Variants in ABCB8 observed in about 807,000 individuals in gnomAD.
ABCB8 encodes mitochondrial potassium channel ATP-binding subunit.
In ABCB8, 52 loss-of-function variants were observed where a neutral mutation model predicts 73.0. That is an observed-to-expected ratio of 0.71 (90% CI 0.57 to 0.90). ABCB8 has a LOEUF of 0.90. Ranked by LOEUF, ABCB8 falls within the 40% of genes least tolerant of loss-of-function variation. The probability of loss-of-function intolerance (pLI) is 0.00; values close to 1 mark genes in which losing one functional copy is unlikely to be tolerated. For missense variants in ABCB8, 909 were observed against 974.6 expected, an observed-to-expected ratio of 0.93 and a Z score of 0.90; for synonymous variants, 428 against 423.5, an observed-to-expected ratio of 1.01 and a Z score of -0.13.
intron 1 of ABCB8, chr7:151,032,859 G>C: frequency 2.7e-6 from 1 of 364,246 alleles, no homozygotes; most frequent in Non-Finnish European, 5.6e-6. Flanking sequence ...GAGAGGGAGT[G>C]TGTGTCATGG....
intron 1 of ABCB8, 176 bp downstream of exon 1, chr7:151,028,786 T>A (rs751803022): frequency 3.9e-6 from 6 of 1,540,482 alleles, no homozygotes; most frequent in African/African-American, 1.4e-5. Context: ...ATAGTGACAC[T>A]CCAGTCGCCA....
At chr7:151,034,191 G>C in intron 2 of ABCB8, 82 bp from the exon 3 acceptor site, 1 of 1,475,234 alleles carries the variant, frequency 6.8e-7, no homozygotes, top group Non-Finnish European at 9.2e-7. Context: ...TAGTGGGAGA[G>C]GAAGGGCCAA....
chr7:151,032,829 T>C (rs936344971), intron 1 of ABCB8: 1 of 334,264 alleles, frequency 3.0e-6, no homozygotes, highest in South Asian at 2.3e-5. Context: ...TATTTTTCTC[T>C]GTTTCCTCCT....
chr7:151,043,669 T>C (rs1390128240), intron 14 of ABCB8, among the ~76,000 whole-genome samples: 1 of 102,094 alleles, frequency 9.8e-6, no homozygotes, highest in Non-Finnish European at 1.9e-5. Context: ...CAGTGCGGGG[T>C]AGAGGGTCAG....
chr7:151,041,307 T>C lies in ABCB8; in HGVS notation c.1617+75T>C, dbSNP rs1370042061. ...GGGCCCTGCCCCCTTAGTCCTCAGG[T>C]GCCTTTTCTTTCTTTCCCACCCTCA... On this transcript the variant is annotated intron_variant, in intron 13 of 15. Coordinates refer to ENST00000358849, the MANE Select transcript of ABCB8 (RefSeq NM_007188.5). 7.4e-6 allele frequency: 11 copies of C among 1,483,604 alleles called. No individual in the cohort carries two copies. In the African/African-American group the frequency reaches 1.4e-4, roughly 19 times the overall value. The allele number at this position is 1,483,604 out of a possible 1,614,324, so 91.9% of individuals were successfully genotyped here.
In ABCB8 at chr7:151,044,154, C is replaced by T; in HGVS notation, c.1949C>T (p.Ala650Val). The T allele has an allele frequency of 6.2e-7, 1 of 1,613,926 alleles. No homozygotes were observed. Among genetic ancestry groups the T allele is most frequent in the Non-Finnish European group, 8.5e-7 (1 of 1,179,904 alleles). The change falls in exon 15 of 16, where the codon GCC (alanine) becomes GTC (valine). Residue 650 changes from alanine (A) to valine (V), a missense_variant. Transcript: ENST00000358849. ...ASAGRTVLVI[A>V]HRLSTVRGAH... ...GCAGGCCGCACGGTGCTGGTAATTG[C>T]CCACCGGCTCAGCACTGTCCGTGGG...
intron 1 of ABCB8, 122 bp downstream of exon 1, chr7:151,028,732 AC>A: frequency 6.5e-7 from 1 of 1,539,666 alleles, no homozygotes; most frequent in Non-Finnish European, 8.7e-7. Context: ...GGCCAGGCCT[AC>A]CGGGGTGGAA....
intron 9 of ABCB8, chr7:151,037,693 A>G (rs1198822060): frequency 9.5e-6 from 3 of 317,112 alleles, no homozygotes; most frequent in South Asian, 2.6e-5. Flanking sequence ...ACCCCATTCT[A>G]CTGAGGCATG....
intron 15 of ABCB8, among the ~76,000 whole-genome samples, chr7:151,044,583 A>G (rs1563307516): frequency 6.9e-6 from 1 of 145,760 alleles, no homozygotes; most frequent in Non-Finnish European, 1.5e-5. Flanking sequence ...ACAAAATACC[A>G]AAAAAAAAAA....
chr7:151,040,347 C>G (rs371146495), intron 10 of ABCB8, 46 bp downstream of exon 10: 1 of 1,606,618 alleles, frequency 6.2e-7, no homozygotes, highest in Non-Finnish European at 8.5e-7. Context: ...GAGTTTGTGC[C>G]GTGTGTGCCG....
chr7:151,035,527 C>T (rs1403121751), intron 5 of ABCB8, 54 bp from the exon 6 acceptor site: 9 of 1,529,802 alleles, frequency 5.9e-6, no homozygotes, highest in South Asian at 1.2e-5. Flanking sequence ...TGGAAAAGTC[C>T]TTCCTGTCAT....
At chr7:151,033,366 G>T in intron 1 of ABCB8, 15 of 1,355,182 alleles carry the variant, frequency 1.1e-5, no homozygotes, top group Non-Finnish European at 1.3e-5. Flanking sequence ...AGTTGCCCAG[G>T]GGAATAAGAC....
chr7:151,032,675 C>T (rs141787570), intron 1 of ABCB8, among the ~76,000 whole-genome samples: 194 of 147,650 alleles, frequency 1.3e-3, no homozygotes, highest in African/African-American at 4.3e-3. Flanking sequence ...GCCGGGGTGA[C>T]GGAGCGAGAC....
intron 8 of ABCB8, 31 bp from the exon 9 acceptor site, chr7:151,036,513 T>C (rs1390245179): frequency 1.9e-6 from 3 of 1,586,936 alleles, no homozygotes; most frequent in South Asian, 2.2e-5. Context: ...CTGCCCTGGC[T>C]TCGTCCTCCC....
intron 9 of ABCB8, 36 bp from the exon 10 acceptor site, chr7:151,040,232 C>G: frequency 6.2e-6 from 10 of 1,609,238 alleles, no homozygotes; most frequent in Non-Finnish European, 8.5e-6. Flanking sequence ...TCTTCTTGTT[C>G]CCATCTATTC....
chr7:151,033,418 G>A lies in ABCB8; in HGVS notation c.96-187G>A, dbSNP rs907670932. On this transcript the variant is annotated intron_variant, in intron 1 of 15. Transcript: ENST00000358849. ...TGTGCTCAGTGCCTCATTCCTCTGCGACTTTGCCCATGGACATGTCTTAGA... is the reference window on the plus strand; with the variant it reads ...TGTGCTCAGTGCCTCATTCCTCTGCAACTTTGCCCATGGACATGTCTTAGA... The A allele has an allele frequency of 3.3e-5, 46 of 1,395,710 alleles. No homozygotes were observed. In the Middle Eastern group the frequency reaches 1.0e-3, roughly 32 times the overall value. 86.5% of individuals were successfully genotyped at this position (1,395,710 alleles called of 1,614,324 possible). A position where few individuals can be genotyped will look rare whatever the true frequency, so the allele number is the denominator to read the frequency against.
chr7:151,035,966 G>C lies in ABCB8; in HGVS notation c.1012G>C (p.Glu338Gln). 7.4e-6 allele frequency: 12 copies of C among 1,613,882 alleles called. No individual in the cohort carries two copies. Among genetic ancestry groups the C allele is most frequent in the Non-Finnish European group, 9.3e-6 (11 of 1,180,020 alleles). ...CTTCGCCATGGAGCAACGGGAAGAG[G>C]AGTGAGTCCTGGGAGGGCGGAGCAC... ...RAFAMEQREE[E>Q]RYGAELEACR... The change falls in exon 7 of 16, where the codon GAG becomes CAG. Residue 338 changes from glutamate to glutamine, a missense_variant and splice_region_variant. Transcript: ENST00000358849.
chr7:151,028,451 T>C lies in ABCB8; in HGVS notation c.-65T>C, dbSNP rs1420769817. The C allele has an allele frequency of 1.3e-6, 2 of 1,540,626 alleles. No homozygotes were observed. Among genetic ancestry groups the C allele is most frequent in the Admixed American group, 2.1e-5 (1 of 48,098 alleles). On this transcript the variant is annotated 5_prime_UTR_variant, in exon 1 of 16. Transcript: ENST00000358849. The stretch of plus-strand genomic sequence containing the variant: ...GTCGGGATGGGGGCGGGAGCCAACA[T>C]AGAGCCCTCAGTGGGATGAGGGTGA...
chr7:151,032,922 C>T (rs764479417), intron 1 of ABCB8: 2 of 437,018 alleles, frequency 4.6e-6, no homozygotes, highest in Middle Eastern at 3.4e-4. Flanking sequence ...CATCAGAAGA[C>T]ATGGCACACT....
Sources: allele counts gnomAD v4.1 joint callset (sites outside exome capture counted in the v4.1 genomes callset), GRCh38; gene constraint gnomAD v4.1.1; transcripts MANE v1.5; gene names NCBI Gene and HGNC (gene_info 2026-07-23, HGNC 2026-07-21).